The following ITPK1 variants were observed in gnomAD, a reference collection of about 807,000 sequenced individuals.
ITPK1 encodes inositol-tetrakisphosphate 1-kinase, also known as inositol 1,3,4-trisphosphate 5/6-kinase.
A neutral mutation model predicts 45.3 loss-of-function variants in ITPK1; 21 were observed. The observed-to-expected ratio is 0.46, with a 90% CI of 0.33 to 0.67. The LOEUF is 0.67. Ranked by LOEUF, ITPK1 falls within the 30% of genes least tolerant of loss-of-function variation. ITPK1 has a pLI of 0.02. For synonymous variants in ITPK1, 258 were observed against 253.6 expected (o/e 1.02, Z -0.16); for missense variants, 474 against 573.5 (o/e 0.83, Z 1.77).
intron 3 of ITPK1, among the ~76,000 whole-genome samples, chr14:93,073,069 A>T (rs191062517): frequency 5.9e-5 from 9 of 152,340 alleles, no homozygotes; most frequent in Non-Finnish European, 1.0e-4. Flanking sequence ...GATAGTGTAC[A>T]GTTCTCCTGC....
At position 92,948,837 on chromosome 14, in the gene ITPK1, C is replaced by A. The variant is rs555275252; in HGVS notation, c.739-2344G>T. 2.6e-5 allele frequency among the ~76,000 whole-genome samples: 3 copies of A among 113,332 alleles called. No individual in the cohort carries two copies. In the East Asian group the frequency reaches 7.7e-4, roughly 29 times the overall value. 74.4% of individuals were successfully genotyped at this position (113,332 alleles called of 152,430 possible). On this transcript the variant is annotated intron_variant, in intron 9 of 10. Transcript: ENST00000267615. ...GGGACCCATGCCCGGGCACCACCCACGCTCCAAGTCCGGGCGCCGCCCACG... is the reference window on the plus strand; with the variant it reads ...GGGACCCATGCCCGGGCACCACCCAAGCTCCAAGTCCGGGCGCCGCCCACG...
intron 9 of ITPK1, among the ~76,000 whole-genome samples, chr14:92,949,919 C>T (rs962137585): frequency 2.6e-5 from 4 of 152,172 alleles, no homozygotes; most frequent in African/African-American, 9.7e-5. Context: ...GTTCATGGGT[C>T]CCCAGTGGGC....
intron 2 of ITPK1, 127 bp downstream of exon 2, chr14:93,114,942 G>GCT (rs1368109730): frequency 1.7e-5 from 9 of 523,922 alleles, no homozygotes; most frequent in Non-Finnish European, 2.6e-5. Flanking sequence ...CAGTCTCCCC[G>GCT]CGCGCCGCTT....
chr14:93,029,862 A>G (rs1401891135), intron 3 of ITPK1, among the ~76,000 whole-genome samples: 1 of 152,238 alleles, frequency 6.6e-6, no homozygotes, highest in African/African-American at 2.4e-5. Flanking sequence ...AAAGGAAGCC[A>G]CTGACAGTCC....
At chr14:93,086,615 G>A (rs192919030) in intron 2 of ITPK1, among the ~76,000 whole-genome samples, 13 of 152,348 alleles carry the variant, frequency 8.5e-5, no homozygotes, top group Non-Finnish European at 2.9e-5. Context: ...GCCCTCTGGC[G>A]GGTGTGCCAC....
chr14:92,960,531 C>T (rs542574601), intron 7 of ITPK1, among the ~76,000 whole-genome samples: 54 of 152,348 alleles, frequency 3.5e-4, no homozygotes, highest in African/African-American at 9.9e-4. Flanking sequence ...TGGCAACACA[C>T]GGCACCAGAA....
intron 4 of ITPK1, among the ~76,000 whole-genome samples, chr14:93,009,304 C>G (rs1887774100): frequency 6.6e-6 from 1 of 152,120 alleles, no homozygotes. Flanking sequence ...CTCAACATGC[C>G]CCCAGACCTT....
At chr14:93,065,789 C>T (rs1029276634) in intron 3 of ITPK1, among the ~76,000 whole-genome samples, 3 of 152,210 alleles carry the variant, frequency 2.0e-5, no homozygotes, top group Non-Finnish European at 4.4e-5. Context: ...TAACCTAGAA[C>T]TTGAGACTCT....
chr14:92,941,965 G>A (rs972641353), intron 10 of ITPK1, 61 bp from the exon 11 acceptor site: 5 of 1,426,112 alleles, frequency 3.5e-6, no homozygotes, highest in Non-Finnish European at 3.9e-6. Flanking sequence ...CATGCAGGGA[G>A]GAGGAGGAGG....
At chr14:93,084,761 G>C (rs1891582817) in intron 2 of ITPK1, among the ~76,000 whole-genome samples, 1 of 152,146 alleles carries the variant, frequency 6.6e-6, no homozygotes, top group Non-Finnish European at 1.5e-5. Context: ...CCTCCCAGGA[G>C]GGACCCCAAT....
intron 2 of ITPK1, among the ~76,000 whole-genome samples, chr14:93,083,017 T>C (rs1280052358): frequency 6.6e-6 from 1 of 152,104 alleles, no homozygotes; most frequent in Non-Finnish European, 1.5e-5. Context: ...TGAGTGACAG[T>C]GGTTACCACT....
chr14:92,987,843 G>A lies in ITPK1; in HGVS notation c.364+6037C>T, dbSNP rs1042209718. Among the ~76,000 whole-genome samples, 8 of 152,304 alleles carry A rather than the reference G, an allele frequency of 5.3e-5. No individual in the cohort carries two copies. The East Asian group carries it at 1.2e-3, about 22-fold the overall frequency. On this transcript the variant is annotated intron_variant, in intron 5 of 10. Coordinates refer to ENST00000267615, the MANE Select transcript of ITPK1 (RefSeq NM_014216.6). ...CCTCACCCCATGACTCCCGGACTGGGGGAGGGCACTGGCTTCCACACGGCA... is the reference window on the plus strand; with the variant it reads ...CCTCACCCCATGACTCCCGGACTGGAGGAGGGCACTGGCTTCCACACGGCA...
At chr14:93,095,057 G>A (rs1200003102) in intron 2 of ITPK1, among the ~76,000 whole-genome samples, 3 of 152,072 alleles carry the variant, frequency 2.0e-5, no homozygotes, top group African/African-American at 7.2e-5. Flanking sequence ...TCTGTTCCTC[G>A]AGCAGAGTTC....
At chr14:93,015,422 C>T (rs1025573774) in intron 4 of ITPK1, among the ~76,000 whole-genome samples, 12 of 152,352 alleles carry the variant, frequency 7.9e-5, no homozygotes, top group Admixed American at 7.8e-4. Flanking sequence ...CTGTCTTGTT[C>T]CCCTCGAACC....
At chr14:92,995,154 G>C (rs1024077473) in intron 4 of ITPK1, among the ~76,000 whole-genome samples, 1 of 152,198 alleles carries the variant, frequency 6.6e-6, no homozygotes, top group African/African-American at 2.4e-5. Context: ...GGAGCTGTTG[G>C]CCCCCTGGGC....
chr14:93,060,806 C>T (rs1318638248), intron 3 of ITPK1, among the ~76,000 whole-genome samples: 1 of 152,278 alleles, frequency 6.6e-6, no homozygotes, highest in African/African-American at 2.4e-5. Flanking sequence ...AGAAATATCA[C>T]AGAAGCAGGT....
At chr14:93,078,139 A>G (rs959808002) in intron 2 of ITPK1, among the ~76,000 whole-genome samples, 2 of 152,218 alleles carry the variant, frequency 1.3e-5, no homozygotes, top group African/African-American at 2.4e-5. Flanking sequence ...TCCTGGGCCC[A>G]GCACTCGGAG....
intron 2 of ITPK1, among the ~76,000 whole-genome samples, chr14:93,084,250 A>ATGAAGAGGACC (rs1482634634): frequency 6.6e-6 from 1 of 152,230 alleles, no homozygotes; most frequent in Non-Finnish European, 1.5e-5. Flanking sequence ...GAAACAACTG[A>ATGAAGAGGACC]TGAAGAGGAC....
chr14:93,096,821 G>C (rs528634801), intron 2 of ITPK1, among the ~76,000 whole-genome samples: 21 of 152,270 alleles, frequency 1.4e-4, no homozygotes, highest in African/African-American at 4.8e-4. Context: ...TCATGGAGGT[G>C]GGGGATTGCC....
Sources: allele counts gnomAD v4.1 joint callset (sites outside exome capture counted in the v4.1 genomes callset), GRCh38; gene constraint gnomAD v4.1.1; transcripts MANE v1.5; gene names NCBI Gene and HGNC (gene_info 2026-07-23, HGNC 2026-07-21).